The following PHTF2 variants were observed in gnomAD, a reference collection of about 807,000 sequenced individuals.
PHTF2 encodes the protein putative homeodomain transcription factor 2.
A neutral mutation model predicts 101.2 loss-of-function variants in PHTF2; 60 were observed. The ratio of observed to expected loss-of-function variants is 0.59; its 90% CI spans 0.48 to 0.73. The LOEUF is 0.73. Among genes scored for constraint, PHTF2 ranks in the 30% least tolerant of loss-of-function variants. PHTF2 has a pLI of 0.00. For missense variants in PHTF2, 747 were observed against 908.7 expected (o/e 0.82, Z 2.29); for synonymous variants, 311 against 307.3 (o/e 1.01, Z -0.13).
intron 3 of PHTF2, among the ~76,000 whole-genome samples, chr7:77,890,160 C>T (rs1407051988): frequency 6.6e-6 from 1 of 151,814 alleles, no homozygotes; most frequent in Non-Finnish European, 1.5e-5. Context: ...GAATGTCTAT[C>T]CACCCACCTT....
chr7:77,895,525 A>G (rs966020683), intron 5 of PHTF2, among the ~76,000 whole-genome samples: 16 of 152,126 alleles, frequency 1.1e-4, no homozygotes, highest in African/African-American at 3.4e-4. Flanking sequence ...TAGACAGGAG[A>G]TATAAGTACC....
intron 3 of PHTF2, among the ~76,000 whole-genome samples, chr7:77,872,839 A>G (rs780087658): frequency 2.0e-5 from 3 of 152,134 alleles, no homozygotes; most frequent in African/African-American, 4.8e-5. Context: ...CCCTTCCTCT[A>G]CATTAAACCA....
chr7:77,938,180 C>A, intron 13 of PHTF2, among the ~76,000 whole-genome samples: 1 of 151,904 alleles, frequency 6.6e-6, no homozygotes, highest in East Asian at 1.9e-4. Flanking sequence ...GTTACAAGAA[C>A]TTTAAAAATA....
At chr7:77,880,225 T>C (rs1026233600) in intron 3 of PHTF2, among the ~76,000 whole-genome samples, 1 of 152,228 alleles carries the variant, frequency 6.6e-6, no homozygotes, top group South Asian at 2.1e-4. Flanking sequence ...ATAATGTATT[T>C]ATTAAGCCAT....
intron 1 of PHTF2, among the ~76,000 whole-genome samples, chr7:77,805,267 T>C (rs1474749767): frequency 6.6e-6 from 1 of 152,166 alleles, no homozygotes; most frequent in African/African-American, 2.4e-5. Context: ...AGTGCTGTCC[T>C]CTCTCTCTTT....
intron 1 of PHTF2, among the ~76,000 whole-genome samples, chr7:77,813,384 A>G (rs910058076): frequency 6.6e-6 from 1 of 152,248 alleles, no homozygotes; most frequent in Admixed American, 6.5e-5. Context: ...ATTGTATAAG[A>G]TAAGCAACTG....
chr7:77,936,145 T>C (rs1584763754), intron 12 of PHTF2, among the ~76,000 whole-genome samples: 1 of 152,136 alleles, frequency 6.6e-6, no homozygotes, highest in East Asian at 1.9e-4. Context: ...TTTACATTAT[T>C]GAATTATTAT....
At chr7:77,854,960 T>G in intron 3 of PHTF2, 2 of 601,208 alleles carry the variant, frequency 3.3e-6, no homozygotes, top group South Asian at 4.0e-5. Context: ...CTGCCTGGTG[T>G]TCTACCCTAC....
intron 9 of PHTF2, among the ~76,000 whole-genome samples, chr7:77,915,975 G>GTGTT (rs1393584544): frequency 4.4e-5 from 5 of 113,128 alleles, no homozygotes; most frequent in Admixed American, 4.1e-4. Context: ...GTAGATTTGT[G>GTGTT]TGTCTGTGTG....
chr7:77,925,873 T>C (rs1345691864), intron 11 of PHTF2, among the ~76,000 whole-genome samples: 5 of 151,972 alleles, frequency 3.3e-5, no homozygotes, highest in Admixed American at 3.3e-4. Context: ...CTGGCCAACA[T>C]GGTGAAACCC....
intron 12 of PHTF2, among the ~76,000 whole-genome samples, chr7:77,933,245 T>C (rs1004282970): frequency 4.6e-5 from 7 of 151,756 alleles, no homozygotes; most frequent in Non-Finnish European, 1.0e-4. Context: ...CTCAAAAAAA[T>C]AATAATAATA....
At chr7:77,837,059 A>G (rs1396926002) in intron 1 of PHTF2, among the ~76,000 whole-genome samples, 4 of 152,140 alleles carry the variant, frequency 2.6e-5, no homozygotes, top group Non-Finnish European at 5.9e-5. Context: ...CTTAGAGTTA[A>G]CTGCCTAATG....
At chr7:77,904,153 A>C (rs895005286) in intron 7 of PHTF2, among the ~76,000 whole-genome samples, 1 of 152,212 alleles carries the variant, frequency 6.6e-6, no homozygotes, top group Non-Finnish European at 1.5e-5. Context: ...TCAAGATGCA[A>C]TCTGAGTTTT....
intron 1 of PHTF2, among the ~76,000 whole-genome samples, chr7:77,800,901 C>A (rs1183180263): frequency 6.6e-6 from 1 of 152,166 alleles, no homozygotes; most frequent in East Asian, 1.9e-4. Context: ...GTGAGATTCA[C>A]ACCTAAGCAG....
intron 16 of PHTF2, among the ~76,000 whole-genome samples, chr7:77,945,701 CT>C (rs1269512458): frequency 1.3e-5 from 2 of 151,940 alleles, no homozygotes; most frequent in Non-Finnish European, 2.9e-5. Context: ...GTATGAAGTG[CT>C]TTATGTCATT....
intron 1 of PHTF2, among the ~76,000 whole-genome samples, chr7:77,819,719 G>A (rs1187054543): frequency 6.6e-6 from 1 of 152,182 alleles, no homozygotes; most frequent in East Asian, 1.9e-4. Context: ...TTCTTGTCTA[G>A]TTTTGGTTTC....
chr7:77,899,045 G>A (rs767647764), intron 5 of PHTF2, among the ~76,000 whole-genome samples: 16 of 152,072 alleles, frequency 1.1e-4, no homozygotes, highest in East Asian at 7.7e-4. Context: ...CAAGTGATCC[G>A]CCCACCTTGG....
At chr7:77,893,844 CTTTT>C (rs1800658069) in intron 4 of PHTF2, 134 bp from the exon 4 acceptor site, 1 of 726,276 alleles carries the variant, frequency 1.4e-6, no homozygotes, top group East Asian at 2.6e-5. Flanking sequence ...TTGGTTTTTT[CTTTT>C]TATCATCTTT....
At chr7:77,919,934 T>A (rs1284793108) in intron 9 of PHTF2, among the ~76,000 whole-genome samples, 2 of 152,198 alleles carry the variant, frequency 1.3e-5, no homozygotes, top group African/African-American at 4.8e-5. Context: ...ATTTCTTAAA[T>A]AAAACTTCAA....
Sources: allele counts gnomAD v4.1 joint callset (sites outside exome capture counted in the v4.1 genomes callset), GRCh38; gene constraint gnomAD v4.1.1; transcripts MANE v1.5; gene names NCBI Gene and HGNC (gene_info 2026-07-23, HGNC 2026-07-21).